The following GRK3 variants were observed in gnomAD, a reference collection of about 807,000 sequenced individuals.
The protein encoded by GRK3 is adrenergic, beta, receptor kinase 2.
Under a neutral mutation model 95.7 loss-of-function variants are expected in GRK3, and 54 were observed. The observed-to-expected ratio is 0.56, with a 90% CI of 0.45 to 0.71. The LOEUF (loss-of-function observed/expected upper bound fraction) is 0.71, where lower values mean the gene tolerates loss of function less well. Among genes scored for constraint, GRK3 ranks in the 30% least tolerant of loss-of-function variants. GRK3 has a pLI of 0.00. For missense variants in GRK3, 649 were observed against 851.2 expected (o/e 0.76, Z 2.96); for synonymous variants, 281 against 290.8 (o/e 0.97, Z 0.34).
chr22:25,673,608 C>G (rs776792440), intron 7 of GRK3, among the ~76,000 whole-genome samples: 1 of 151,970 alleles, frequency 6.6e-6, no homozygotes, highest in Non-Finnish European at 1.5e-5. Flanking sequence ...GTGGCCCAAA[C>G]GCAGGTTTCT....
At chr22:25,619,241 C>T (rs1221779113) in intron 2 of GRK3, among the ~76,000 whole-genome samples, 2 of 152,146 alleles carry the variant, frequency 1.3e-5, no homozygotes, top group African/African-American at 2.4e-5. Flanking sequence ...TGTATCCATA[C>T]AGTTTGGGTC....
intron 1 of GRK3, among the ~76,000 whole-genome samples, chr22:25,597,133 G>A (rs1318509533): frequency 6.6e-6 from 1 of 151,958 alleles, no homozygotes; most frequent in Admixed American, 6.5e-5. Flanking sequence ...TTATAATTAG[G>A]GTCTCATGCT....
At chr22:25,586,483 A>G (rs1315975907) in intron 1 of GRK3, among the ~76,000 whole-genome samples, 1 of 152,296 alleles carries the variant, frequency 6.6e-6, no homozygotes, top group African/African-American at 2.4e-5. Flanking sequence ...CCCCGTAAAT[A>G]TATCTACCTA....
chr22:25,654,346 A>G (rs377328840), intron 3 of GRK3, among the ~76,000 whole-genome samples: 1 of 152,190 alleles, frequency 6.6e-6, no homozygotes, highest in African/African-American at 2.4e-5. Flanking sequence ...ATTAGTCATC[A>G]TTGTAAAAAT....
intron 9 of GRK3, among the ~76,000 whole-genome samples, chr22:25,683,493 A>G (rs1001727801): frequency 2.0e-5 from 3 of 152,234 alleles, no homozygotes; most frequent in Admixed American, 1.3e-4. Flanking sequence ...GTACACTTCC[A>G]GTGGCCATAT....
intron 1 of GRK3, among the ~76,000 whole-genome samples, chr22:25,572,712 T>C (rs1246898540): frequency 6.6e-6 from 1 of 152,202 alleles, no homozygotes; most frequent in Non-Finnish European, 1.5e-5. Context: ...TAAATAGGTG[T>C]AACCAGGCAA....
At chr22:25,701,107 T>C (rs187583513) in intron 13 of GRK3, among the ~76,000 whole-genome samples, 44 of 152,344 alleles carry the variant, frequency 2.9e-4, no homozygotes, top group Non-Finnish European at 5.6e-4. Flanking sequence ...CCACAGGACA[T>C]GTGAATTCTT....
At chr22:25,712,427 A>G (rs530191145) in intron 17 of GRK3, among the ~76,000 whole-genome samples, 1 of 152,372 alleles carries the variant, frequency 6.6e-6, no homozygotes, top group East Asian at 1.9e-4. Flanking sequence ...TTACAAAGGT[A>G]TTTAAAAAAT....
At chr22:25,589,022 C>G (rs1932411195) in intron 1 of GRK3, among the ~76,000 whole-genome samples, 1 of 152,166 alleles carries the variant, frequency 6.6e-6, no homozygotes, top group Admixed American at 6.5e-5. Context: ...GCTTCTGCCT[C>G]AGCCTCCCGA....
At chr22:25,708,068 T>G (rs1013685594) in intron 15 of GRK3, among the ~76,000 whole-genome samples, 2 of 152,022 alleles carry the variant, frequency 1.3e-5, no homozygotes, top group African/African-American at 2.4e-5. Flanking sequence ...AAACCCCATC[T>G]CTACTAAATA....
intron 2 of GRK3, among the ~76,000 whole-genome samples, chr22:25,606,858 G>A (rs1249184870): frequency 1.3e-5 from 2 of 152,188 alleles, no homozygotes; most frequent in Non-Finnish European, 2.9e-5. Flanking sequence ...CCCTGAAGTG[G>A]TTGTTATTTC....
At chr22:25,661,483 T>G (rs1450147469) in intron 3 of GRK3, 93 bp from the exon 4 acceptor site, 4 of 682,154 alleles carry the variant, frequency 5.9e-6, no homozygotes, top group Non-Finnish European at 1.0e-5. Flanking sequence ...TTATCTCATG[T>G]GCAAGTGGTT....
intron 12 of GRK3, among the ~76,000 whole-genome samples, chr22:25,692,506 T>C (rs893381777): frequency 6.6e-6 from 1 of 152,364 alleles, no homozygotes; most frequent in South Asian, 2.1e-4. Context: ...GATGCCACGG[T>C]AAGACAGAGC....
chr22:25,660,668 C>T (rs1173399481), intron 3 of GRK3, among the ~76,000 whole-genome samples: 1 of 152,114 alleles, frequency 6.6e-6, no homozygotes, highest in Non-Finnish European at 1.5e-5. Flanking sequence ...AAAAGGTAAC[C>T]TTTATTTCTA....
Position 25,695,321 on chromosome 22 carries a change from A to G in GRK3, c.1160+107A>G, listed in dbSNP as rs549408331. 184 of 764,256 alleles carry G rather than the reference A, an allele frequency of 2.4e-4. No homozygotes were observed. In the African/African-American group the frequency reaches 2.9e-3, roughly 12 times the overall value. The allele number at this position is 764,256 out of a possible 1,614,324, so 47.3% of individuals were successfully genotyped here. A position where few individuals can be genotyped will look rare whatever the true frequency, so the allele number is the denominator to read the frequency against. On this transcript the variant is annotated intron_variant, in intron 13 of 20. Coordinates refer to ENST00000324198, the MANE Select transcript of GRK3 (RefSeq NM_005160.4). ...AGACGCTAATGTTATTTTAAATCAC[A>G]CAGTGATCTTTAAGCCATGTGCTAA...
chr22:25,703,861 GA>G, intron 14 of GRK3, among the ~76,000 whole-genome samples: 1 of 152,286 alleles, frequency 6.6e-6, no homozygotes, highest in East Asian at 1.9e-4. Flanking sequence ...AGAAATCAAA[GA>G]AAAGGAGAAA....
Position 25,612,080 on chromosome 22 carries a change from G to A in GRK3, c.190+7627G>A, listed in dbSNP as rs193230072. Among the ~76,000 whole-genome samples, 486 of 152,028 alleles carry A rather than the reference G, an allele frequency of 3.2e-3. 1 individual carries two copies. The highest frequency in any genetic ancestry group is 0.011 in the African/African-American group (459 of 41,470). ...TCTCTTGAGCTCAGGCAATCCACCC[G>A]CCTCGGCCTCCCAAAGTGCTAGGAT... On this transcript the variant is annotated intron_variant, in intron 2 of 20. Transcript: ENST00000324198.
chr22:25,672,696 T>C (rs1455413136), intron 7 of GRK3, among the ~76,000 whole-genome samples: 1 of 152,206 alleles, frequency 6.6e-6, no homozygotes, highest in Admixed American at 6.5e-5. Context: ...CTTTTCTTTT[T>C]CTTATTATTA....
intron 3 of GRK3, among the ~76,000 whole-genome samples, chr22:25,656,603 A>G (rs2084873313): frequency 6.6e-6 from 1 of 152,194 alleles, no homozygotes; most frequent in Non-Finnish European, 1.5e-5. Flanking sequence ...CTGGGATTAT[A>G]GGCATGAGCT....
Sources: allele counts gnomAD v4.1 joint callset (sites outside exome capture counted in the v4.1 genomes callset), GRCh38; gene constraint gnomAD v4.1.1; transcripts MANE v1.5; gene names NCBI Gene and HGNC (gene_info 2026-07-23, HGNC 2026-07-21).